Variants in ENPP4 observed in about 807,000 individuals in gnomAD.
ENPP4 encodes ectonucleotide pyrophosphatase/phosphodiesterase 4, also known as bis(5'-adenosyl)-triphosphatase ENPP4.
In ENPP4, 18 loss-of-function variants were observed where a neutral mutation model predicts 33.4. That is an observed-to-expected ratio of 0.54 (90% CI 0.37 to 0.80). ENPP4 has a LOEUF of 0.80. Ranked by LOEUF, ENPP4 falls within the 30% of genes least tolerant of loss-of-function variation. The pLI, the probability that ENPP4 is intolerant of heterozygous loss-of-function variation, is 0.00. For missense variants in ENPP4, 480 were observed against 541.7 expected (o/e 0.89, Z 1.13); for synonymous variants, 172 against 189.9 (o/e 0.91, Z 0.78).
intron 1 of ENPP4, among the ~76,000 whole-genome samples, chr6:46,131,728 G>A (rs1310945114): frequency 4.1e-4 from 62 of 150,980 alleles, no homozygotes; most frequent in Admixed American, 9.9e-4. Flanking sequence ...CTGAGGAATC[G>A]CCACACTGAC....
chr6:46,134,684 T>C (rs1157959225), intron 1 of ENPP4, among the ~76,000 whole-genome samples: 1 of 152,126 alleles, frequency 6.6e-6, no homozygotes, highest in Non-Finnish European at 1.5e-5. Flanking sequence ...CCCTCTGCTC[T>C]TTTTTAAAAA....
intron 1 of ENPP4, among the ~76,000 whole-genome samples, 193 bp downstream of exon 1, chr6:46,130,382 A>T (rs1235886922): frequency 6.6e-6 from 1 of 152,198 alleles, no homozygotes; most frequent in Non-Finnish European, 1.5e-5. Flanking sequence ...TGGCGGGCCG[A>T]GGCGGAGGCC....
intron 2 of ENPP4, 76 bp from the exon 3 acceptor site, chr6:46,140,976 C>T: frequency 3.4e-6 from 3 of 878,784 alleles, no homozygotes; most frequent in Non-Finnish European, 5.2e-6. Context: ...AATTTACTTC[C>T]AATTATTCTA....
rs1764031797 is a variant in ENPP4 at position 46,139,936 on chromosome 6, C to A, written c.353C>A (p.Pro118His). ...KDPFWWNEAV[P>H]IWVTNQLQEN... Reference sequence around the variant, plus strand: ...CCTTTTTGGTGGAATGAGGCAGTACCTATTTGGGTGACCAATCAGCTTCAG... The same window carrying A: ...CCTTTTTGGTGGAATGAGGCAGTACATATTTGGGTGACCAATCAGCTTCAG... The change falls in exon 2 of 4, where the codon CCT becomes CAT. Residue 118 changes from proline to histidine, a missense_variant. This residue lies in a region of ENPP4 where 227 missense variants were observed against 273.7 expected (regional missense o/e 0.83). Coordinates refer to ENST00000321037, the MANE Select transcript of ENPP4 (RefSeq NM_014936.5). The A allele has an allele frequency of 6.2e-7, 1 of 1,612,812 alleles. No homozygotes were observed. The highest frequency in any genetic ancestry group is 8.5e-7 in the Non-Finnish European group (1 of 1,179,108).
At chr6:46,132,843 G>A (rs2127491705) in intron 1 of ENPP4, among the ~76,000 whole-genome samples, 1 of 151,984 alleles carries the variant, frequency 6.6e-6, no homozygotes, top group Non-Finnish European at 1.5e-5. Flanking sequence ...GCAGTGGTTT[G>A]TAGTTCTCCT....
At position 46,146,442 on chromosome 6, in the gene ENPP4, CAT is replaced by C. The variant is rs1764140858; in HGVS notation, c.*2806_*2807del. Reference sequence around the variant, plus strand: ...TTGGAGGGTTTTACTTCCTTGTTAACATATAAAGTTATAAATGAAGGACAAGG... The same window carrying C: ...TTGGAGGGTTTTACTTCCTTGTTAACATAAAGTTATAAATGAAGGACAAGG... On this transcript the variant is annotated 3_prime_UTR_variant, in exon 4 of 4. Coordinates refer to ENST00000321037, the MANE Select transcript of ENPP4 (RefSeq NM_014936.5). The C allele has an allele frequency of 1.3e-5, 2 of 152,116 alleles. No individual in the cohort carries two copies. Among genetic ancestry groups the C allele is most frequent in the African/African-American group, 2.4e-5 (1 of 41,328 alleles). 9.4% of individuals were successfully genotyped at this position (152,116 alleles called of 1,614,324 possible). A position where few individuals can be genotyped will look rare whatever the true frequency, so the allele number is the denominator to read the frequency against.
chr6:46,144,330 GAAGAA>G lies in ENPP4; in HGVS notation c.*695_*699del, dbSNP rs1167377661. 2 of 151,722 alleles carry G rather than the reference GAAGAA, an allele frequency of 1.3e-5. No individual in the cohort carries two copies. Among genetic ancestry groups the G allele is most frequent in the African/African-American group, 4.8e-5 (2 of 41,366 alleles). 9.4% of individuals were successfully genotyped at this position (151,722 alleles called of 1,614,324 possible). A position where few individuals can be genotyped will look rare whatever the true frequency, so the allele number is the denominator to read the frequency against. The stretch of plus-strand genomic sequence containing the variant: ...TTAAAGATTATTGTTAAAAAATTCA[GAAGAA>G]AAGAGAGACAAGTGCTCTTCTCTCT... On this transcript the variant is annotated 3_prime_UTR_variant, in exon 4 of 4. Coordinates refer to ENST00000321037, the MANE Select transcript of ENPP4 (RefSeq NM_014936.5).
Position 46,143,721 on chromosome 6 carries a change from A to C in ENPP4, c.*81A>C. The C allele has an allele frequency of 1.5e-6, 2 of 1,320,818 alleles. No homozygotes were observed. The highest frequency in any genetic ancestry group is 2.9e-5 in the South Asian group (2 of 68,050). 81.8% of individuals were successfully genotyped at this position (1,320,818 alleles called of 1,614,324 possible). A position where few individuals can be genotyped will look rare whatever the true frequency, so the allele number is the denominator to read the frequency against. On this transcript the variant is annotated 3_prime_UTR_variant, in exon 4 of 4. Transcript: ENST00000321037. Reference sequence around the variant, plus strand: ...TCCAAAGAATAGTGTTGTAACTATGAAAAAGAATACTTTGAAAGACAAAGA... The same window carrying C: ...TCCAAAGAATAGTGTTGTAACTATGCAAAAGAATACTTTGAAAGACAAAGA...
chr6:46,141,559 T>C (rs978523809), intron 3 of ENPP4, among the ~76,000 whole-genome samples: 8 of 151,726 alleles, frequency 5.3e-5, no homozygotes, highest in African/African-American at 1.9e-4. Flanking sequence ...TAATCCTTGT[T>C]CTTTTGTGTG....
At chr6:46,138,479 A>G (rs1764007612) in intron 1 of ENPP4, among the ~76,000 whole-genome samples, 1 of 151,804 alleles carries the variant, frequency 6.6e-6, no homozygotes, top group Non-Finnish European at 1.5e-5. Context: ...ACTTTCTCCC[A>G]TCTTCCACAT....
At chr6:46,133,369 T>A (rs1763931224) in intron 1 of ENPP4, among the ~76,000 whole-genome samples, 1 of 152,202 alleles carries the variant, frequency 6.6e-6, no homozygotes, top group African/African-American at 2.4e-5. Context: ...AACTGCCTTA[T>A]TTATAGTCAT....
At chr6:46,142,163 T>A (rs1764070826) in intron 3 of ENPP4, among the ~76,000 whole-genome samples, 1 of 151,316 alleles carries the variant, frequency 6.6e-6, no homozygotes, top group East Asian at 1.9e-4. Flanking sequence ...GTTGCATATT[T>A]GTTGTTGACA....
At chr6:46,133,028 T>G (rs1212209599) in intron 1 of ENPP4, among the ~76,000 whole-genome samples, 1 of 152,178 alleles carries the variant, frequency 6.6e-6, no homozygotes, top group African/African-American at 2.4e-5. Context: ...TGAAGTTGCT[T>G]ATCAGCTTAA....
At chr6:46,132,410 G>T (rs1018961801) in intron 1 of ENPP4, among the ~76,000 whole-genome samples, 1 of 152,186 alleles carries the variant, frequency 6.6e-6, no homozygotes, top group South Asian at 2.1e-4. Context: ...ATGAAATAGG[G>T]AATACTTTCC....
At chr6:46,134,852 C>T (rs956930849) in intron 1 of ENPP4, among the ~76,000 whole-genome samples, 8 of 151,830 alleles carry the variant, frequency 5.3e-5, no homozygotes, top group African/African-American at 1.9e-4. Context: ...TTACCCATTT[C>T]CCCCCCAACC....
chr6:46,135,256 G>T (rs982523037), intron 1 of ENPP4, among the ~76,000 whole-genome samples: 4 of 152,178 alleles, frequency 2.6e-5, no homozygotes, highest in Non-Finnish European at 5.9e-5. Flanking sequence ...AAGACTGCCA[G>T]AATATTTTCC....
chr6:46,131,867 A>G (rs1763906712), intron 1 of ENPP4, among the ~76,000 whole-genome samples: 1 of 151,784 alleles, frequency 6.6e-6, no homozygotes, highest in African/African-American at 2.4e-5. Context: ...GTGTGAGATG[A>G]TATCTCATTG....
chr6:46,139,531 G>A lies in ENPP4; in HGVS notation c.-33-20G>A, dbSNP rs2127492593. ...AATGAAATAGAATTACTACTTATGA[G>A]TTGTGTTTTTACATTTTAGGAACCC... On this transcript the variant is annotated intron_variant, in intron 1 of 3. Coordinates refer to ENST00000321037, the MANE Select transcript of ENPP4 (RefSeq NM_014936.5). The A allele has an allele frequency of 2.1e-6, 2 of 945,738 alleles. No individual in the cohort carries two copies. The allele number at this position is 945,738 out of a possible 1,614,324, so 58.6% of individuals were successfully genotyped here. A position where few individuals can be genotyped will look rare whatever the true frequency, so the allele number is the denominator to read the frequency against.
At position 46,140,006 on chromosome 6, in the gene ENPP4, A is replaced by T. The variant is rs1166321635; in HGVS notation, c.423A>T (p.Val141=). The change falls in exon 2 of 4, where the codon GTA becomes GTT. Residue 141 remains valine, a synonymous_variant. Transcript: ENST00000321037. ...SAAAMWPGTD[V]PIHDTISSYF... ...CTGCTATGTGGCCTGGTACTGATGTACCCATTCACGATACCATCTCTTCCT... is the reference window on the plus strand; with the variant it reads ...CTGCTATGTGGCCTGGTACTGATGTTCCCATTCACGATACCATCTCTTCCT... 3.7e-6 allele frequency: 6 copies of T among 1,612,630 alleles called. No homozygotes were observed. Among genetic ancestry groups the T allele is most frequent in the Non-Finnish European group, 5.1e-6 (6 of 1,179,100 alleles).
Sources: allele counts gnomAD v4.1 joint callset (sites outside exome capture counted in the v4.1 genomes callset), GRCh38; gene constraint gnomAD v4.1.1; regional missense constraint gnomAD v4.1.1; transcripts MANE v1.5; gene names NCBI Gene and HGNC (gene_info 2026-07-23, HGNC 2026-07-21).